ACSBG2: variants seen among roughly 807,000 people sequenced by gnomAD.
ACSBG2 encodes long-chain-fatty-acid--CoA ligase ACSBG2.
Under a neutral mutation model 74.7 loss-of-function variants are expected in ACSBG2, and 62 were observed. That is an observed-to-expected ratio of 0.83 (90% CI 0.68 to 1.03). The LOEUF is 1.03. ACSBG2 is among the 50% of genes least tolerant of loss of function. The probability of loss-of-function intolerance (pLI) is 0.00; values close to 1 mark genes in which losing one functional copy is unlikely to be tolerated. For synonymous variants in ACSBG2, 309 were observed against 294.1 expected (o/e 1.05, Z -0.52); for missense variants, 730 against 817.6 (o/e 0.89, Z 1.31).
intron 2 of ACSBG2, 147 bp downstream of exon 2, chr19:6,141,757 A>C: frequency 1.6e-6 from 1 of 619,608 alleles, no homozygotes; most frequent in Non-Finnish European, 2.9e-6. Context: ...GTTTTGAGAC[A>C]GGGTCTTGCT....
chr19:6,185,418 G>C lies in ACSBG2; in HGVS notation c.1323-18G>C. 1 of 1,613,644 alleles carries C rather than the reference G, an allele frequency of 6.2e-7. No individual in the cohort carries two copies. Among genetic ancestry groups the C allele is most frequent in the Non-Finnish European group, 8.5e-7 (1 of 1,179,842 alleles). On this transcript the variant is annotated intron_variant, in intron 10 of 14. Transcript: ENST00000588485. ...TTTGTCCCTATGAGCCTGTTTCTCT[G>C]CTTCTGTCCCCTGGCAGCTGTGGCA... is the stretch of plus-strand genomic sequence containing the variant.
chr19:6,142,988 G>A (rs1451853111), intron 2 of ACSBG2, among the ~76,000 whole-genome samples: 1 of 152,056 alleles, frequency 6.6e-6, no homozygotes, highest in Non-Finnish European at 1.5e-5. Context: ...GGGAAGCTGA[G>A]GCGGGCAGAT....
chr19:6,187,634 C>T lies in ACSBG2; in HGVS notation c.1716C>T (p.Asp572=). 1.2e-6 allele frequency: 2 copies of T among 1,614,066 alleles called. 1 individual carries two copies. Among genetic ancestry groups the T allele is most frequent in the South Asian group, 2.2e-5 (2 of 91,068 alleles). The change falls in exon 13 of 15, where the codon GAC becomes GAT. Residue 572 remains aspartate, a synonymous_variant. Coordinates refer to ENST00000588485, the MANE Select transcript of ACSBG2 (RefSeq NM_030924.5). ...ATCAGATGAGCGGAGAACCTCTGGACAAGCTGAACTTCGAGGCCATCAACT... is the reference window on the plus strand; with the variant it reads ...ATCAGATGAGCGGAGAACCTCTGGATAAGCTGAACTTCGAGGCCATCAACT... ...EMNQMSGEPL[D]KLNFEAINFC... is the part of the protein sequence containing the mutation.
At chr19:6,148,129 T>A (rs1435237386) in intron 3 of ACSBG2, 1 of 183,068 alleles carries the variant, frequency 5.5e-6, no homozygotes, top group Non-Finnish European at 1.1e-5. Flanking sequence ...TGGGTTCTTC[T>A]GGCTCCAGGT....
intron 10 of ACSBG2, among the ~76,000 whole-genome samples, chr19:6,184,889 A>G (rs1402426176): frequency 2.2e-5 from 3 of 134,776 alleles, no homozygotes; most frequent in Non-Finnish European, 4.7e-5. Context: ...ACAGCCTGCA[A>G]TGCTGCTGGA....
At chr19:6,183,352 C>G in intron 10 of ACSBG2, 80 bp downstream of exon 10, 2 of 1,259,952 alleles carry the variant, frequency 1.6e-6, no homozygotes, top group Non-Finnish European at 2.3e-6. Flanking sequence ...AGATGGGCCT[C>G]TGGGTTAAGA....
At chr19:6,151,610 C>A in intron 3 of ACSBG2, 97 bp from the exon 4 acceptor site, 2 of 1,223,198 alleles carry the variant, frequency 1.6e-6, no homozygotes, top group Non-Finnish European at 1.2e-6. Flanking sequence ...TGCGCCTGGC[C>A]TCCATGTGAC....
intron 13 of ACSBG2, 92 bp downstream of exon 13, chr19:6,187,937 G>A: frequency 6.5e-7 from 1 of 1,539,998 alleles, no homozygotes; most frequent in Non-Finnish European, 8.8e-7. Flanking sequence ...GAAGGTCAGA[G>A]GGTCTATGAA....
chr19:6,139,632 C>G (rs182532043), intron 1 of ACSBG2, among the ~76,000 whole-genome samples: 383 of 152,284 alleles, frequency 2.5e-3, no homozygotes, highest in Non-Finnish European at 4.3e-3. Flanking sequence ...CGCTCTTTAT[C>G]ATGAACAAAA....
intron 8 of ACSBG2, among the ~76,000 whole-genome samples, chr19:6,181,067 AAG>A (rs2090234344): frequency 6.6e-6 from 1 of 150,714 alleles, no homozygotes; most frequent in Non-Finnish European, 1.5e-5. Flanking sequence ...AAAAAAGAAA[AAG>A]AAAAATTAGC....
intron 3 of ACSBG2, chr19:6,148,313 A>G (rs2089116616): frequency 6.5e-6 from 1 of 154,358 alleles, no homozygotes; most frequent in Admixed American, 6.4e-5. Flanking sequence ...TCTTCACGGC[A>G]TGGTTGCCAG....
rs2089431034 is a variant in ACSBG2, at chr19:6,156,639, C to A, written c.507+88C>A. 10 of 1,377,050 alleles carry A rather than the reference C, an allele frequency of 7.3e-6. No individual in the cohort carries two copies. In the East Asian group the frequency reaches 2.6e-4, roughly 36 times the overall value. The allele number at this position is 1,377,050 out of a possible 1,614,324, so 85.3% of individuals were successfully genotyped here. A position where few individuals can be genotyped will look rare whatever the true frequency, so the allele number is the denominator to read the frequency against. On this transcript the variant is annotated intron_variant, in intron 5 of 14. Transcript: ENST00000588485. ...GTGTTCTTTTTTTCCCAGGTAAATT[C>A]TAATGATAAGATAGGGCCATGCATC...
At chr19:6,179,847 A>C (rs1310539291) in intron 8 of ACSBG2, among the ~76,000 whole-genome samples, 1 of 152,098 alleles carries the variant, frequency 6.6e-6, no homozygotes, top group Non-Finnish European at 1.5e-5. Context: ...TCTTGAACTC[A>C]AGTGATCTGC....
intron 2 of ACSBG2, among the ~76,000 whole-genome samples, chr19:6,146,276 C>T (rs2089027626): frequency 6.6e-6 from 1 of 151,250 alleles, no homozygotes; most frequent in Non-Finnish European, 1.5e-5. Context: ...TCGAGACCAG[C>T]CTGGGCTACA....
chr19:6,141,330 G>A (rs142875001), intron 1 of ACSBG2, among the ~76,000 whole-genome samples, 183 bp from the exon 2 acceptor site: 7 of 152,072 alleles, frequency 4.6e-5, no homozygotes, highest in Middle Eastern at 3.4e-3. Flanking sequence ...AATACCCTCT[G>A]GGTTTTACAA....
chr19:6,192,071 C>CAAAAAAAAAAAAAAAAA lies in ACSBG2; in HGVS notation c.*36-588_*36-572dup, dbSNP rs397859531. 64 of 57,428 alleles carry CAAAAAAAAAAAAAAAAA rather than the reference C, an allele frequency of 1.1e-3. 1 individual carries two copies. Among genetic ancestry groups the CAAAAAAAAAAAAAAAAA allele is most frequent in the African/African-American group, 3.1e-3 (36 of 11,688 alleles). 3.6% of individuals were successfully genotyped at this position (57,428 alleles called of 1,614,324 possible). On this transcript the variant is annotated intron_variant, in intron 14 of 14. Transcript: ENST00000588485. ...ACACTGGGCTTCAAAAGCACAGCAC[C>CAAAAAAAAAAAAAAAAA]AAAAAAAAAAAAAAAAAAAAAAAAA...
At chr19:6,187,458 G>T (rs1194925789) in intron 12 of ACSBG2, 36 bp downstream of exon 12, 19 of 1,611,728 alleles carry the variant, frequency 1.2e-5, no homozygotes, top group Non-Finnish European at 1.6e-5. Context: ...GGAAGTCTCT[G>T]CAGCCGGTCT....
chr19:6,145,616 G>A (rs1419805725), intron 2 of ACSBG2, among the ~76,000 whole-genome samples: 1 of 152,030 alleles, frequency 6.6e-6, no homozygotes, highest in Non-Finnish European at 1.5e-5. Context: ...GCCCGTTACT[G>A]GGTGGTAGTG....
chr19:6,144,029 G>A (rs1023112265), intron 2 of ACSBG2, among the ~76,000 whole-genome samples: 2 of 151,906 alleles, frequency 1.3e-5, no homozygotes, highest in Non-Finnish European at 1.5e-5. Context: ...ATGGAGTCTC[G>A]CTCTGTTGCC....
Sources: allele counts gnomAD v4.1 joint callset (sites outside exome capture counted in the v4.1 genomes callset), GRCh38; gene constraint gnomAD v4.1.1; transcripts MANE v1.5; gene names NCBI Gene and HGNC (gene_info 2026-07-23, HGNC 2026-07-21).